MAF: variants seen among roughly 807,000 people sequenced by gnomAD.
The protein encoded by MAF is transcription factor Maf.
Under a neutral mutation model 22.0 loss-of-function variants are expected in MAF, and 10 were observed. The ratio of observed to expected loss-of-function variants is 0.45; its 90% confidence interval spans 0.28 to 0.77. MAF has a LOEUF of 0.77. MAF is among the 30% of genes least tolerant of loss of function. The pLI is 0.12. For synonymous variants in MAF, 337 were observed against 255.8 expected, an observed-to-expected ratio of 1.32 and a Z score of -3.03; for missense variants, 544 against 548.4, an observed-to-expected ratio of 0.99 and a Z score of 0.08.
chr16:79,504,292 A>G, the MAF span, among the ~76,000 whole-genome samples: 82 of 152,332 alleles, frequency 5.4e-4, no homozygotes, highest in Middle Eastern at 6.8e-3. Context: ...TATAGCTGAT[A>G]GCCTCCACCT....
chr16:79,269,779 C>T, the MAF span, among the ~76,000 whole-genome samples: 371 of 152,200 alleles, frequency 2.4e-3, 1 homozygote, highest in African/African-American at 8.2e-3. Context: ...GTAGCAACAC[C>T]AGAAAAGGAA....
rs756676018 is a variant in MAF, at chr16:79,600,431, G to C, written c.-529C>G. On this transcript the variant is annotated 5_prime_UTR_variant, in exon 1 of 2. Transcript: ENST00000326043. Reference sequence around the variant, plus strand: ...CGGGCGGCGCGGGCCTTGGCACGGGGGAGTTAACACTTCATGCTTCTCGCC... The same window carrying C: ...CGGGCGGCGCGGGCCTTGGCACGGGCGAGTTAACACTTCATGCTTCTCGCC... 29 of 197,116 alleles carry C rather than the reference G, an allele frequency of 1.5e-4. No homozygotes were observed. The highest frequency in any genetic ancestry group is 2.7e-4 in the Non-Finnish European group (23 of 86,052). 12.2% of individuals were successfully genotyped at this position (197,116 alleles called of 1,614,324 possible).
the MAF span, among the ~76,000 whole-genome samples, chr16:79,567,761 A>C: frequency 6.6e-6 from 1 of 152,228 alleles, no homozygotes; most frequent in Non-Finnish European, 1.5e-5. Context: ...ACAGGGCAAC[A>C]GGCTTTCCTA....
chr16:79,417,470 G>A, the MAF span, among the ~76,000 whole-genome samples: 12 of 152,310 alleles, frequency 7.9e-5, no homozygotes, highest in African/African-American at 2.9e-4. Context: ...TGACCCAAAG[G>A]TTCAAGTCAT....
At chr16:79,576,000 T>TA in the MAF span, among the ~76,000 whole-genome samples, 3 of 151,936 alleles carry the variant, frequency 2.0e-5, no homozygotes, top group Non-Finnish European at 2.9e-5. Flanking sequence ...ATGAACACAG[T>TA]AAAGGTACTC....
the MAF span, among the ~76,000 whole-genome samples, chr16:79,216,181 G>A: frequency 1.4e-5 from 2 of 145,728 alleles, no homozygotes; most frequent in Admixed American, 6.7e-5. Flanking sequence ...ACGTGTATAT[G>A]TATATATGTC....
chr16:79,591,631 G>A (rs998750603), downstream of MAF, among the ~76,000 whole-genome samples: 3 of 152,170 alleles, frequency 2.0e-5, no homozygotes, highest in Non-Finnish European at 2.9e-5. Flanking sequence ...AAAACTGTAC[G>A]ACTCTGATGA....
At chr16:79,240,886 G>C in the MAF span, among the ~76,000 whole-genome samples, 1 of 152,004 alleles carries the variant, frequency 6.6e-6, no homozygotes, top group Non-Finnish European at 1.5e-5. Flanking sequence ...GCCTCCATTG[G>C]TGATACCCAG....
At chr16:79,246,841 C>T in the MAF span, among the ~76,000 whole-genome samples, 3 of 152,148 alleles carry the variant, frequency 2.0e-5, no homozygotes, top group Admixed American at 6.5e-5. Context: ...TCCATCCATC[C>T]ATCCATCCAT....
At chr16:79,542,148 T>C in the MAF span, among the ~76,000 whole-genome samples, 8 of 152,174 alleles carry the variant, frequency 5.3e-5, no homozygotes, top group Non-Finnish European at 7.4e-5. Context: ...GTGACCATCC[T>C]TGCTGGGACA....
At chr16:79,357,253 C>CTCAACAACAACA in the MAF span, among the ~76,000 whole-genome samples, 2 of 145,976 alleles carry the variant, frequency 1.4e-5, no homozygotes, top group African/African-American at 2.6e-5. Flanking sequence ...AAGACTCTGT[C>CTCAACAACAACA]ACAACAACAA....
chr16:79,579,798 G>A, the MAF span, among the ~76,000 whole-genome samples: 1 of 152,120 alleles, frequency 6.6e-6, no homozygotes, highest in Non-Finnish European at 1.5e-5. Flanking sequence ...TGGCAAACAT[G>A]GGAAGGTGCC....
At chr16:79,511,652 A>C in the MAF span, among the ~76,000 whole-genome samples, 1 of 152,208 alleles carries the variant, frequency 6.6e-6, no homozygotes. Context: ...TGTATGGTAC[A>C]TATATCTCTG....
the MAF span, among the ~76,000 whole-genome samples, chr16:79,363,074 AG>A: frequency 6.6e-6 from 1 of 151,926 alleles, no homozygotes; most frequent in Non-Finnish European, 1.5e-5. Flanking sequence ...GGTCCCTAAA[AG>A]GGGGGGAACA....
At chr16:79,436,741 G>A in the MAF span, among the ~76,000 whole-genome samples, 1 of 152,092 alleles carries the variant, frequency 6.6e-6, no homozygotes, top group African/African-American at 2.4e-5. Flanking sequence ...CGGTTTCACT[G>A]GTCATCTTCC....
At chr16:79,572,454 A>G in the MAF span, among the ~76,000 whole-genome samples, 2 of 152,200 alleles carry the variant, frequency 1.3e-5, no homozygotes, top group Non-Finnish European at 2.9e-5. Flanking sequence ...CTCAATGAAC[A>G]ATACCGGCCT....
At chr16:79,404,912 C>G in the MAF span, among the ~76,000 whole-genome samples, 2 of 152,172 alleles carry the variant, frequency 1.3e-5, no homozygotes, top group Non-Finnish European at 2.9e-5. Flanking sequence ...TACAAATTCA[C>G]TCACTCCCTC....
chr16:79,488,396 T>C, the MAF span, among the ~76,000 whole-genome samples: 1 of 152,114 alleles, frequency 6.6e-6, no homozygotes, highest in Admixed American at 6.5e-5. Context: ...CTGCTTGGGA[T>C]TGGAGCTTGG....
At chr16:79,582,985 T>C (rs9937248), downstream of MAF, among the ~76,000 whole-genome samples, 1,249 of 152,320 alleles carry the variant, frequency 8.2e-3, 13 homozygotes, top group African/African-American at 0.028. Flanking sequence ...ATGTCTTTTG[T>C]ATGGCACCAC....
Sources: allele counts gnomAD v4.1 joint callset (sites outside exome capture counted in the v4.1 genomes callset), GRCh38; gene constraint gnomAD v4.1.1; transcripts MANE v1.5; gene names NCBI Gene and HGNC (gene_info 2026-07-23, HGNC 2026-07-21).